Variants in IQCJ observed in about 807,000 individuals in gnomAD.
IQCJ encodes IQ motif containing J.
IQCJ carries 9 observed loss-of-function variants against 11.0 expected under a neutral mutation model. The ratio of observed to expected loss-of-function variants is 0.82; its 90% CI spans 0.49 to 1.43. The LOEUF is 1.43. Ranked by LOEUF, IQCJ falls within the 40% of genes most tolerant of loss-of-function variation. IQCJ has a pLI of 0.00. For synonymous variants in IQCJ, 55 were observed against 51.3 expected (o/e 1.07, Z -0.31); for missense variants, 146 against 133.2 (o/e 1.10, Z -0.47).
At chr3:159,101,874 A>G (rs1040435334) in intron 1 of IQCJ, among the ~76,000 whole-genome samples, 2 of 152,202 alleles carry the variant, frequency 1.3e-5, no homozygotes, top group East Asian at 3.8e-4. Context: ...AATTAAAAAC[A>G]TTTCTATCCA....
intron 1 of IQCJ, among the ~76,000 whole-genome samples, chr3:159,195,618 T>G (rs1723940223): frequency 6.6e-6 from 1 of 152,148 alleles, no homozygotes; most frequent in South Asian, 2.1e-4. Flanking sequence ...CTTGCTAGGG[T>G]AGTGAATTCA....
intron 1 of IQCJ, among the ~76,000 whole-genome samples, chr3:159,216,048 GA>G (rs145387070): frequency 0.036 from 5,128 of 141,188 alleles, 268 homozygotes; most frequent in African/African-American, 0.13. Context: ...TTCCCTTGAA[GA>G]GGGAAAAGTT....
rs575056673 is a variant in IQCJ, at chr3:159,184,235, G to A, written c.10-61608G>A. Among the ~76,000 whole-genome samples the A allele has an allele frequency of 2.2e-4, 34 of 152,046 alleles. No individual in the cohort carries two copies. The South Asian group carries it at 6.7e-3, about 30-fold the overall frequency. On this transcript the variant is annotated intron_variant, in intron 1 of 3. Transcript: ENST00000397832. ...TATATTACTAAAATAAGATACACTT[G>A]TTTCTACCTTGGGCCTTTAAACTCA... is the stretch of plus-strand genomic sequence containing the variant.
At chr3:159,081,982 C>T (rs1369797562) in intron 1 of IQCJ, among the ~76,000 whole-genome samples, 2 of 152,022 alleles carry the variant, frequency 1.3e-5, no homozygotes, top group African/African-American at 4.8e-5. Context: ...CCATTAACTG[C>T]CAAAATAATT....
chr3:159,149,496 G>A (rs1462941470), intron 1 of IQCJ, among the ~76,000 whole-genome samples: 1 of 152,116 alleles, frequency 6.6e-6, no homozygotes, highest in African/African-American at 2.4e-5. Flanking sequence ...GTAGTTCTGA[G>A]TGGGGTTGTA....
intron 3 of IQCJ, among the ~76,000 whole-genome samples, chr3:159,260,313 G>T (rs777687200): frequency 6.6e-6 from 1 of 152,058 alleles, no homozygotes; most frequent in Non-Finnish European, 1.5e-5. Context: ...TTTTGTTTTT[G>T]TATGTTCTGA....
At chr3:159,113,258 T>C (rs1718745478) in intron 1 of IQCJ, among the ~76,000 whole-genome samples, 1 of 152,184 alleles carries the variant, frequency 6.6e-6, no homozygotes, top group East Asian at 1.9e-4. Context: ...TCTCCTTAGG[T>C]TTATGATTTG....
At chr3:159,250,818 A>G (rs1287757475) in intron 2 of IQCJ, among the ~76,000 whole-genome samples, 2 of 152,260 alleles carry the variant, frequency 1.3e-5, no homozygotes, top group South Asian at 2.1e-4. Flanking sequence ...ATCACTTTCT[A>G]TGCCCACCTA....
At chr3:159,217,409 T>A (rs536916374) in intron 1 of IQCJ, among the ~76,000 whole-genome samples, 1 of 152,324 alleles carries the variant, frequency 6.6e-6, no homozygotes, top group African/African-American at 2.4e-5. Flanking sequence ...TGTTATCACA[T>A]GCTTGGCTGC....
At chr3:159,171,221 A>G (rs1241163372) in intron 1 of IQCJ, among the ~76,000 whole-genome samples, 1 of 151,960 alleles carries the variant, frequency 6.6e-6, no homozygotes, top group Non-Finnish European at 1.5e-5. Context: ...ATCTCTCTCT[A>G]TCTAAATCTA....
chr3:159,090,363 T>C (rs1048290817), intron 1 of IQCJ, among the ~76,000 whole-genome samples: 1 of 151,830 alleles, frequency 6.6e-6, no homozygotes, highest in African/African-American at 2.4e-5. Flanking sequence ...TCACCCGTCT[T>C]CTGCGTCGCT....
chr3:159,194,138 C>T (rs969214530), intron 1 of IQCJ, among the ~76,000 whole-genome samples: 2 of 152,220 alleles, frequency 1.3e-5, no homozygotes, highest in Non-Finnish European at 2.9e-5. Flanking sequence ...TGCTCTGTAA[C>T]TCAGCCTCTT....
chr3:159,226,338 G>A (rs983380712), intron 1 of IQCJ, among the ~76,000 whole-genome samples: 1 of 152,128 alleles, frequency 6.6e-6, no homozygotes, highest in African/African-American at 2.4e-5. Flanking sequence ...TTAGAATACT[G>A]AAGGACACTC....
At chr3:159,224,395 C>G (rs569696185) in intron 1 of IQCJ, among the ~76,000 whole-genome samples, 1 of 152,126 alleles carries the variant, frequency 6.6e-6, no homozygotes, top group Non-Finnish European at 1.5e-5. Flanking sequence ...AACAAAGAAC[C>G]ACTTCATCCT....
At chr3:159,079,692 C>A (rs2108055528) in intron 1 of IQCJ, among the ~76,000 whole-genome samples, 1 of 152,164 alleles carries the variant, frequency 6.6e-6, no homozygotes, top group African/African-American at 2.4e-5. Context: ...AGGAATATAT[C>A]ATGTACATCT....
intron 1 of IQCJ, among the ~76,000 whole-genome samples, chr3:159,102,795 T>A (rs1194873107): frequency 1.3e-5 from 2 of 152,194 alleles, no homozygotes; most frequent in Admixed American, 6.5e-5. Context: ...TTCTCTTCAT[T>A]TTGTATGAGG....
At chr3:159,239,462 A>AG (rs1726779137) in intron 1 of IQCJ, among the ~76,000 whole-genome samples, 1 of 152,112 alleles carries the variant, frequency 6.6e-6, no homozygotes, top group Admixed American at 6.5e-5. Flanking sequence ...AAGTCCCCAG[A>AG]GAAAAAAAAA....
intron 1 of IQCJ, among the ~76,000 whole-genome samples, chr3:159,177,555 A>G (rs1268610714): frequency 1.3e-5 from 2 of 152,184 alleles, no homozygotes; most frequent in African/African-American, 4.8e-5. Context: ...GTGAGATGGA[A>G]ACCGAAATTC....
At chr3:159,151,550 A>G (rs1191780301) in intron 1 of IQCJ, among the ~76,000 whole-genome samples, 1 of 152,060 alleles carries the variant, frequency 6.6e-6, no homozygotes, top group African/African-American at 2.4e-5. Context: ...GCCCTAGGAG[A>G]GCTCAGTCAA....
Sources: gnomAD v4.1 joint callset for allele counts (sites outside exome capture counted in the v4.1 genomes callset) on GRCh38, gnomAD v4.1.1 for gene constraint, MANE v1.5 for transcripts, NCBI Gene and HGNC (gene_info 2026-07-23, HGNC 2026-07-21) for gene names.